GALNT17: variants seen among roughly 807,000 people sequenced by gnomAD.
GALNT17 encodes polypeptide N-acetylgalactosaminyltransferase 17, also known as UDP-GalNAc:polypeptide N-acetylgalactosaminyltransferase-like 3.
GALNT17 carries 29 observed loss-of-function variants against 63.7 expected under a neutral mutation model. The observed-to-expected ratio is 0.46, with a 90% CI of 0.34 to 0.62. The LOEUF is 0.62. Among genes scored for constraint, GALNT17 ranks in the 20% least tolerant of loss-of-function variants. The probability of loss-of-function intolerance (pLI) is 0.01; values close to 1 mark genes in which losing one functional copy is unlikely to be tolerated. For missense variants in GALNT17, 603 were observed against 799.6 expected (o/e 0.75, Z 2.97); for synonymous variants, 305 against 318.3 (o/e 0.96, Z 0.45).
intron 10 of GALNT17, 48 bp from the exon 11 acceptor site, chr7:71,711,970 T>A (rs779551099): frequency 6.2e-7 from 1 of 1,601,856 alleles, no homozygotes; most frequent in Non-Finnish European, 8.5e-7. Context: ...TCGCTGTCTC[T>A]CTCTCCTCTC....
chr7:71,302,950 C>CA (rs1791227461), intron 1 of GALNT17, among the ~76,000 whole-genome samples: 1 of 152,068 alleles, frequency 6.6e-6, no homozygotes, highest in African/African-American at 2.4e-5. Context: ...CTGCAGCCTC[C>CA]ACCTCCTGGG....
chr7:71,488,448 A>G (rs1787949271), intron 5 of GALNT17, among the ~76,000 whole-genome samples: 1 of 152,274 alleles, frequency 6.6e-6, no homozygotes, highest in East Asian at 1.9e-4. Context: ...CCCGTTGCTC[A>G]TTAGAAACAC....
intron 5 of GALNT17, among the ~76,000 whole-genome samples, chr7:71,484,447 T>A (rs7807139): frequency 6.6e-6 from 1 of 152,268 alleles, no homozygotes; most frequent in South Asian, 2.1e-4. Context: ...GAGATCGTAC[T>A]ACTGCACTCC....
intron 6 of GALNT17, among the ~76,000 whole-genome samples, chr7:71,600,288 G>A (rs1473186529): frequency 1.3e-5 from 2 of 151,306 alleles, no homozygotes; most frequent in Non-Finnish European, 2.9e-5. Context: ...GCAGGAATAG[G>A]GGGATGATAA....
intron 5 of GALNT17, among the ~76,000 whole-genome samples, chr7:71,474,494 T>C (rs1048904447): frequency 6.6e-6 from 1 of 152,170 alleles, no homozygotes; most frequent in Non-Finnish European, 1.5e-5. Context: ...AATGAGTTAC[T>C]ATCAGTAAAG....
At chr7:71,514,853 T>A (rs573314316) in intron 5 of GALNT17, among the ~76,000 whole-genome samples, 3 of 152,216 alleles carry the variant, frequency 2.0e-5, no homozygotes, top group Admixed American at 2.0e-4. Context: ...AAATCTCATC[T>A]TGAATTGTAG....
chr7:71,380,480 C>T (rs1468531753), intron 2 of GALNT17, among the ~76,000 whole-genome samples: 9 of 151,942 alleles, frequency 5.9e-5, no homozygotes, highest in East Asian at 3.9e-4. Flanking sequence ...ACACCACACC[C>T]GGCTAATTTT....
At chr7:71,465,713 TG>T (rs1787524374) in intron 5 of GALNT17, among the ~76,000 whole-genome samples, 1 of 152,190 alleles carries the variant, frequency 6.6e-6, no homozygotes, top group Non-Finnish European at 1.5e-5. Flanking sequence ...TTATTTAACA[TG>T]TATACATGGG....
rs145737101 is a variant in GALNT17, at chr7:71,502,448, T to C, written c.963-68837T>C. On this transcript the variant is annotated intron_variant, in intron 5 of 10. Coordinates refer to ENST00000333538, the MANE Select transcript of GALNT17 (RefSeq NM_022479.3). ...GTCATCCTTTAACATCTGTCAGATA[T>C]GTCCTTCTTCACATGATGGCAGGAA... 2.3e-4 allele frequency among the ~76,000 whole-genome samples: 35 copies of C among 152,354 alleles called. No individual in the cohort carries two copies. In the East Asian group the frequency reaches 6.7e-3, roughly 29 times the overall value.
intron 2 of GALNT17, among the ~76,000 whole-genome samples, chr7:71,339,897 G>A (rs1791978965): frequency 6.6e-6 from 1 of 152,000 alleles, no homozygotes; most frequent in Admixed American, 6.6e-5. Context: ...TGATAGCAAA[G>A]GAATAGAGAG....
intron 2 of GALNT17, among the ~76,000 whole-genome samples, chr7:71,358,742 G>C (rs1406896361): frequency 1.3e-5 from 2 of 151,998 alleles, no homozygotes; most frequent in Non-Finnish European, 1.5e-5. Context: ...TCATAAGTTT[G>C]CTTTTCTTTC....
At chr7:71,471,406 A>C (rs1443911670) in intron 5 of GALNT17, among the ~76,000 whole-genome samples, 4 of 149,244 alleles carry the variant, frequency 2.7e-5, no homozygotes, top group African/African-American at 5.0e-5. Flanking sequence ...TTCCAAAAAA[A>C]AAAAAAAACA....
chr7:71,188,794 T>G (rs1315922388), intron 1 of GALNT17, among the ~76,000 whole-genome samples: 1 of 152,172 alleles, frequency 6.6e-6, no homozygotes, highest in Non-Finnish European at 1.5e-5. Flanking sequence ...CCAAGTCACT[T>G]TTTGAAATAT....
chr7:71,543,058 A>G (rs1290047473), intron 5 of GALNT17, among the ~76,000 whole-genome samples: 1 of 150,036 alleles, frequency 6.7e-6, no homozygotes, highest in East Asian at 2.0e-4. Flanking sequence ...AAAAAAGCCC[A>G]CACACCAAAA....
intron 6 of GALNT17, among the ~76,000 whole-genome samples, chr7:71,609,941 G>A (rs1184066843): frequency 6.6e-6 from 1 of 152,022 alleles, no homozygotes; most frequent in Non-Finnish European, 1.5e-5. Flanking sequence ...ATTATATGAT[G>A]AGTGAATGAA....
At chr7:71,383,732 C>G (rs895626226) in intron 2 of GALNT17, among the ~76,000 whole-genome samples, 1 of 152,126 alleles carries the variant, frequency 6.6e-6, no homozygotes, top group African/African-American at 2.4e-5. Flanking sequence ...CTATGCTTGG[C>G]TCTGTGTTTT....
intron 6 of GALNT17, among the ~76,000 whole-genome samples, chr7:71,592,608 T>TAAAATAAAA: frequency 1.8e-5 from 1 of 56,858 alleles, no homozygotes; most frequent in South Asian, 5.1e-4. Context: ...ATAAAATAAA[T>TAAAATAAAA]AAAGCATGCA....
chr7:71,150,375 T>C (rs1312821792), intron 1 of GALNT17, among the ~76,000 whole-genome samples: 1 of 152,074 alleles, frequency 6.6e-6, no homozygotes, highest in African/African-American at 2.4e-5. Flanking sequence ...CAGGCTCCCC[T>C]GCAGTTAGAT....
At chr7:71,400,858 A>G (rs1793226981) in intron 3 of GALNT17, among the ~76,000 whole-genome samples, 1 of 152,204 alleles carries the variant, frequency 6.6e-6, no homozygotes, top group Non-Finnish European at 1.5e-5. Context: ...AGGTGACAAG[A>G]TGGGTATTGG....
Sources: gnomAD v4.1 joint callset for allele counts (sites outside exome capture counted in the v4.1 genomes callset) on GRCh38, gnomAD v4.1.1 for gene constraint, MANE v1.5 for transcripts, NCBI Gene and HGNC (gene_info 2026-07-23, HGNC 2026-07-21) for gene names.